The following LRRC63 variants were observed in gnomAD, a reference collection of about 807,000 sequenced individuals.
The protein encoded by LRRC63 is leucine-rich repeat-containing protein 63.
Under a neutral mutation model 49.5 loss-of-function variants are expected in LRRC63, and 40 were observed. That is an observed-to-expected ratio of 0.81 (90% CI 0.63 to 1.05). LRRC63 has a LOEUF of 1.05. Ranked by LOEUF, LRRC63 falls within the 50% of genes least tolerant of loss-of-function variation. The pLI, the probability that LRRC63 is intolerant of heterozygous loss-of-function variation, is 0.00. For missense variants in LRRC63, 636 were observed against 663.1 expected (o/e 0.96, Z 0.45); for synonymous variants, 191 against 221.1 (o/e 0.86, Z 1.21).
intron 9 of LRRC63, chr13:46,270,194 C>T (rs1342516560): frequency 5.1e-6 from 4 of 784,528 alleles, no homozygotes; most frequent in Non-Finnish European, 9.3e-6. Context: ...CTGTATACCA[C>T]AGCACTCTAA....
At chr13:46,243,220 G>C (rs1566493214) in intron 5 of LRRC63, among the ~76,000 whole-genome samples, 1 of 152,166 alleles carries the variant, frequency 6.6e-6, no homozygotes, top group Non-Finnish European at 1.5e-5. Context: ...GCTTTTCCTT[G>C]TGAGCAAAGT....
chr13:46,264,414 C>T (rs970921389), intron 8 of LRRC63, among the ~76,000 whole-genome samples: 2 of 150,224 alleles, frequency 1.3e-5, no homozygotes, highest in Admixed American at 6.6e-5. Flanking sequence ...GATTTTTCCT[C>T]ATGGTTTTTA....
At chr13:46,222,236 T>C (rs2046427484) in intron 2 of LRRC63, among the ~76,000 whole-genome samples, 1 of 152,168 alleles carries the variant, frequency 6.6e-6, no homozygotes, top group African/African-American at 2.4e-5. Flanking sequence ...GTTGAGTTGT[T>C]TGAGGTCCTT....
intron 4 of LRRC63, 101 bp downstream of exon 4, chr13:46,228,834 A>G: frequency 1.3e-6 from 1 of 763,784 alleles, no homozygotes; most frequent in South Asian, 1.7e-5. Context: ...TGATTCACAC[A>G]TGCATAACAC....
intron 9 of LRRC63, 46 bp downstream of exon 9, chr13:46,267,018 A>T (rs1264474547): frequency 1.4e-6 from 2 of 1,465,646 alleles, no homozygotes; most frequent in Admixed American, 2.6e-5. Flanking sequence ...ACCTTTAAGC[A>T]TTAAAATGTT....
intron 9 of LRRC63, among the ~76,000 whole-genome samples, chr13:46,271,793 A>G (rs1405042529): frequency 4.6e-5 from 7 of 151,954 alleles, no homozygotes; most frequent in African/African-American, 1.7e-4. Flanking sequence ...TTTCAAATAA[A>G]AGGACTATAA....
intron 5 of LRRC63, among the ~76,000 whole-genome samples, chr13:46,239,648 A>C (rs1185732799): frequency 6.6e-6 from 1 of 152,228 alleles, no homozygotes; most frequent in Non-Finnish European, 1.5e-5. Context: ...TGATGGCAGC[A>C]TCATCCTGAT....
chr13:46,219,579 C>T (rs989140587), intron 2 of LRRC63, among the ~76,000 whole-genome samples: 1 of 152,046 alleles, frequency 6.6e-6, no homozygotes, highest in Non-Finnish European at 1.5e-5. Flanking sequence ...TATTATTATC[C>T]ACCTTCTGAA....
chr13:46,268,394 T>C (rs2047710043), intron 9 of LRRC63, among the ~76,000 whole-genome samples: 1 of 152,150 alleles, frequency 6.6e-6, no homozygotes, highest in Non-Finnish European at 1.5e-5. Flanking sequence ...CATTATTCAA[T>C]GAGATAATGG....
At chr13:46,240,317 C>T (rs1007179190) in intron 5 of LRRC63, among the ~76,000 whole-genome samples, 1 of 151,784 alleles carries the variant, frequency 6.6e-6, no homozygotes, top group Non-Finnish European at 1.5e-5. Flanking sequence ...TTAGTAGAGA[C>T]AGGGTTTCAC....
intron 5 of LRRC63, among the ~76,000 whole-genome samples, chr13:46,235,795 C>T (rs1334934312): frequency 2.0e-5 from 3 of 152,114 alleles, no homozygotes; most frequent in South Asian, 2.1e-4. Context: ...TATGAGGAAG[C>T]ACAGACATTG....
chr13:46,261,714 G>A (rs1333606742), intron 7 of LRRC63, among the ~76,000 whole-genome samples, 195 bp from the exon 8 acceptor site: 2 of 151,980 alleles, frequency 1.3e-5, no homozygotes, highest in Admixed American at 1.3e-4. Flanking sequence ...ATCTCAAACT[G>A]GTCTTAATGG....
intron 9 of LRRC63, among the ~76,000 whole-genome samples, chr13:46,267,649 C>T (rs920216904): frequency 6.6e-6 from 1 of 152,132 alleles, no homozygotes; most frequent in Non-Finnish European, 1.5e-5. Flanking sequence ...AGCCTAGTAA[C>T]TATTGGAGAA....
chr13:46,276,834 A>G (rs2047845642), exon 10 of LRRC63: 3 of 150,708 alleles, frequency 2.0e-5, no homozygotes, highest in African/African-American at 3.0e-5. Flanking sequence ...GTGTGTATAT[A>G]TATATATATA....
At chr13:46,246,732 A>T in intron 6 of LRRC63, 107 bp downstream of exon 6, 1 of 481,866 alleles carries the variant, frequency 2.1e-6, no homozygotes, top group Non-Finnish European at 3.3e-6. Context: ...AGTACTGTAA[A>T]TGTATTTTGG....
At chr13:46,237,007 A>G (rs900615028) in intron 5 of LRRC63, among the ~76,000 whole-genome samples, 1 of 152,170 alleles carries the variant, frequency 6.6e-6, no homozygotes. Context: ...TAGGATGCCA[A>G]GTGCAATCCC....
chr13:46,227,591 T>C, exon 3 of LRRC63: 2 of 1,549,826 alleles, frequency 1.3e-6, no homozygotes, highest in African/African-American at 1.4e-5. Flanking sequence ...ATAGAACTCG[T>C]TTTCCTGATG....
At chr13:46,233,514 C>T (rs2046821857) in intron 4 of LRRC63, among the ~76,000 whole-genome samples, 1 of 152,048 alleles carries the variant, frequency 6.6e-6, no homozygotes, top group Admixed American at 6.5e-5. Flanking sequence ...TTTCTGCAAA[C>T]AATGCAGCAA....
chr13:46,273,047 C>T (rs2047781692), intron 9 of LRRC63, among the ~76,000 whole-genome samples: 1 of 152,020 alleles, frequency 6.6e-6, no homozygotes, highest in Admixed American at 6.6e-5. Flanking sequence ...GGAAATTTTA[C>T]AAGGACTCAT....
Sources: gnomAD v4.1 joint callset for allele counts (sites outside exome capture counted in the v4.1 genomes callset) on GRCh38, gnomAD v4.1.1 for gene constraint, MANE v1.5 for transcripts, NCBI Gene and HGNC (gene_info 2026-07-23, HGNC 2026-07-21) for gene names.